DOCK5: variants seen among roughly 807,000 people sequenced by gnomAD.
DOCK5 encodes the protein dedicator of cytokinesis protein 5.
In DOCK5, 142 loss-of-function variants were observed where a neutral mutation model predicts 251.8. The observed-to-expected ratio is 0.56, with a 90% confidence interval of 0.49 to 0.65. DOCK5 has a LOEUF of 0.65. Among genes scored for constraint, DOCK5 ranks in the 30% least tolerant of loss-of-function variants. The probability of loss-of-function intolerance (pLI) is 0.00; values close to 1 mark genes in which losing one functional copy is unlikely to be tolerated. For missense variants in DOCK5, 2,111 were observed against 2,312.3 expected, an observed-to-expected ratio of 0.91 and a Z score of 1.79; for synonymous variants, 842 against 835.5, an observed-to-expected ratio of 1.01 and a Z score of -0.13.
rs1440947516 is a variant in DOCK5, at chr8:25,315,902, T to A, written c.1319-1105T>A. Among the ~76,000 whole-genome samples, 6 of 152,250 alleles carry A rather than the reference T, an allele frequency of 3.9e-5. No individual in the cohort carries two copies. In the South Asian group the frequency reaches 1.2e-3, roughly 31 times the overall value. On this transcript the variant is annotated intron_variant, in intron 13 of 51. Transcript: ENST00000276440. ...AGTGCTCTAAATATGCACTCCTGTT[T>A]TCTTATAGTGTTAAAAGGTTTTGTT...
chr8:25,392,844 G>T lies in DOCK5; in HGVS notation c.4489G>T (p.Gly1497Trp), dbSNP rs752460672. 2 of 1,613,096 alleles carry T rather than the reference G, an allele frequency of 1.2e-6. No homozygotes were observed. The highest frequency in any genetic ancestry group is 1.7e-6 in the Non-Finnish European group (2 of 1,179,574). Residue 1497 changes from glycine (G) to tryptophan (W), a missense_variant, in exon 44 of 52, where the codon GGG (glycine) becomes TGG (tryptophan). Physicochemically the swap from Gly to Trp is radical, Grantham distance 184. This residue lies in a region of DOCK5 where 1,717 missense variants were observed against 1,892.4 expected (regional missense o/e 0.91). Coordinates refer to ENST00000276440, the MANE Select transcript of DOCK5 (RefSeq NM_024940.8). The stretch of plus-strand genomic sequence containing the variant: ...GTATACGACTGCATATACCTTTCCT[G>T]GGATTCTCAAGTGGTTTGAAGTCAA... Reference protein sequence around the residue: ...TTYTTAYTFPGILKWFEVKQI... With the variant: ...TTYTTAYTFPWILKWFEVKQI...
At chr8:25,342,937 C>T (rs1319923346) in intron 25 of DOCK5, among the ~76,000 whole-genome samples, 1 of 151,714 alleles carries the variant, frequency 6.6e-6, no homozygotes, top group African/African-American at 2.4e-5. Context: ...GATCTCCTGA[C>T]CTCGTGATCC....
At chr8:25,368,123 C>A in intron 31 of DOCK5, 69 bp from the exon 32 acceptor site, 1 of 1,254,176 alleles carries the variant, frequency 8.0e-7, no homozygotes, top group Admixed American at 1.9e-5. Flanking sequence ...TTTTACTTTC[C>A]TTCTTATTGT....
At chr8:25,226,836 T>C (rs1376978721) in intron 1 of DOCK5, among the ~76,000 whole-genome samples, 1 of 152,114 alleles carries the variant, frequency 6.6e-6, no homozygotes, top group Non-Finnish European at 1.5e-5. Context: ...CCACCCGTCT[T>C]GGCCTCCCAA....
chr8:25,296,392 C>T (rs1804615183), intron 6 of DOCK5, 121 bp from the exon 7 acceptor site: 2 of 1,300,496 alleles, frequency 1.5e-6, no homozygotes, highest in Non-Finnish European at 2.1e-6. Flanking sequence ...GGTGTGCTTC[C>T]CTGGGCTTGT....
chr8:25,223,313 T>C (rs1162096231), intron 1 of DOCK5, among the ~76,000 whole-genome samples: 1 of 152,064 alleles, frequency 6.6e-6, no homozygotes, highest in Non-Finnish European at 1.5e-5. Context: ...GCCAGAATGC[T>C]TTATTTATTT....
At position 25,307,750 on chromosome 8, in the gene DOCK5, C is replaced by T. The variant is rs554246865; in HGVS notation, c.1050-1033C>T. Among the ~76,000 whole-genome samples, 25 of 152,160 alleles carry T rather than the reference C, an allele frequency of 1.6e-4. 1 individual carries two copies. Among genetic ancestry groups the T allele is most frequent in the Admixed American group, 1.0e-3 (16 of 15,266 alleles). On this transcript the variant is annotated intron_variant, in intron 11 of 51. Coordinates refer to ENST00000276440, the MANE Select transcript of DOCK5 (RefSeq NM_024940.8). The stretch of plus-strand genomic sequence containing the variant: ...TATAATCCGTGCCTTGAGTCCCTGA[C>T]GAACCCTGCCTTAATTTCATTACTG...
intron 17 of DOCK5, 43 bp from the exon 18 acceptor site, chr8:25,325,321 G>T (rs772597170): frequency 6.3e-7 from 1 of 1,592,418 alleles, no homozygotes; most frequent in Admixed American, 1.8e-5. Flanking sequence ...GCATATAAGA[G>T]ATTTTGGCCA....
At chr8:25,321,783 C>T (rs1440810880) in intron 16 of DOCK5, among the ~76,000 whole-genome samples, 2 of 152,062 alleles carry the variant, frequency 1.3e-5, no homozygotes, top group African/African-American at 4.8e-5. Context: ...GTTTGAGGTC[C>T]CCTGCTCTAA....
intron 48 of DOCK5, among the ~76,000 whole-genome samples, chr8:25,406,245 A>G (rs866978584): frequency 5.9e-5 from 9 of 152,338 alleles, no homozygotes; most frequent in African/African-American, 2.2e-4. Flanking sequence ...GGCGTGAGCC[A>G]CCACACCTGG....
At chr8:25,254,545 G>A (rs1803360229) in intron 2 of DOCK5, among the ~76,000 whole-genome samples, 1 of 151,888 alleles carries the variant, frequency 6.6e-6, no homozygotes, top group Non-Finnish European at 1.5e-5. Context: ...GGAGGCCGAG[G>A]TGGGCAGATC....
chr8:25,383,386 T>C (rs1470001060), intron 40 of DOCK5, among the ~76,000 whole-genome samples: 2 of 152,158 alleles, frequency 1.3e-5, no homozygotes, highest in African/African-American at 4.8e-5. Context: ...TAACAGTGCC[T>C]AATGAGACAG....
At chr8:25,343,990 G>A (rs1800311722) in intron 25 of DOCK5, among the ~76,000 whole-genome samples, 1 of 152,058 alleles carries the variant, frequency 6.6e-6, no homozygotes, top group Non-Finnish European at 1.5e-5. Flanking sequence ...TGTAATCTTA[G>A]TAAAGCCAGG....
intron 44 of DOCK5, among the ~76,000 whole-genome samples, chr8:25,395,125 A>G (rs1801323850): frequency 6.6e-6 from 1 of 152,236 alleles, no homozygotes; most frequent in Non-Finnish European, 1.5e-5. Flanking sequence ...AATGGGAGAC[A>G]GTGACAGATC....
intron 30 of DOCK5, among the ~76,000 whole-genome samples, chr8:25,366,545 C>G (rs112015767): frequency 8.0e-4 from 122 of 152,260 alleles, no homozygotes; most frequent in African/African-American, 2.8e-3. Flanking sequence ...AAAGTGTTTA[C>G]TAATTCAAAA....
intron 2 of DOCK5, among the ~76,000 whole-genome samples, chr8:25,262,485 A>G (rs1357296137): frequency 2.0e-5 from 3 of 151,962 alleles, no homozygotes; most frequent in African/African-American, 7.3e-5. Flanking sequence ...GTATCCCTAT[A>G]ATTTTGCCTT....
chr8:25,241,278 C>T (rs1802936506), intron 1 of DOCK5, among the ~76,000 whole-genome samples: 1 of 152,034 alleles, frequency 6.6e-6, no homozygotes, highest in South Asian at 2.1e-4. Context: ...AGATCGAGAC[C>T]ATCCTGGCTA....
At chr8:25,241,808 A>T (rs960265347) in intron 1 of DOCK5, among the ~76,000 whole-genome samples, 2 of 149,630 alleles carry the variant, frequency 1.3e-5, no homozygotes, top group African/African-American at 5.1e-5. Flanking sequence ...TACACCGTGG[A>T]ATACTATGCA....
Position 25,392,263 on chromosome 8 carries a change from C to T in DOCK5, c.4440+283C>T, listed in dbSNP as rs186925589. On this transcript the variant is annotated intron_variant, in intron 43 of 51. Coordinates refer to ENST00000276440, the MANE Select transcript of DOCK5 (RefSeq NM_024940.8). ...AGGTTGCAGTGAGCTGAGGTCGCACCACTGCACTCCAGCATGGGCGACAGA... is the reference window on the plus strand; with the variant it reads ...AGGTTGCAGTGAGCTGAGGTCGCACTACTGCACTCCAGCATGGGCGACAGA... Among the ~76,000 whole-genome samples, 814 of 151,140 alleles carry T rather than the reference C, an allele frequency of 5.4e-3. 30 individuals carry two copies. The highest frequency in any genetic ancestry group is 0.047 in the Admixed American group (707 of 15,174).
Sources: allele counts gnomAD v4.1 joint callset (sites outside exome capture counted in the v4.1 genomes callset), GRCh38; gene constraint gnomAD v4.1.1; regional missense constraint gnomAD v4.1.1; transcripts MANE v1.5; gene names NCBI Gene and HGNC (gene_info 2026-07-23, HGNC 2026-07-21).